WDPCP: variants seen among roughly 807,000 people sequenced by gnomAD.
WDPCP encodes the protein WD repeat-containing and planar cell polarity effector protein fritz homolog.
A neutral mutation model predicts 93.1 loss-of-function variants in WDPCP; 71 were observed. The ratio of observed to expected loss-of-function variants is 0.76; its 90% CI spans 0.63 to 0.93. The LOEUF (loss-of-function observed/expected upper bound fraction) is 0.93. Ranked by LOEUF, WDPCP falls within the 40% of genes least tolerant of loss-of-function variation. The pLI is 0.00. For synonymous variants in WDPCP, 315 were observed against 315.0 expected (o/e 1.00, Z 0.00); for missense variants, 844 against 887.4 (o/e 0.95, Z 0.62).
chr2:63,731,918 C>A (rs887255543), intron 2 of WDPCP, among the ~76,000 whole-genome samples: 2 of 152,138 alleles, frequency 1.3e-5, no homozygotes, highest in Admixed American at 1.3e-4. Flanking sequence ...AAGTCTAGTT[C>A]TTGAGCCAAT....
chr2:63,244,415 A>G (rs534898045), intron 14 of WDPCP, among the ~76,000 whole-genome samples: 1 of 152,316 alleles, frequency 6.6e-6, no homozygotes, highest in African/African-American at 2.4e-5. Context: ...CAAAAGATCA[A>G]TGAAACCAAA....
intron 14 of WDPCP, among the ~76,000 whole-genome samples, chr2:63,186,266 C>T (rs147473624): frequency 1.3e-5 from 2 of 152,250 alleles, no homozygotes; most frequent in Non-Finnish European, 2.9e-5. Context: ...TCCTCCCTCT[C>T]TGGTTCCACA....
At chr2:63,798,547 C>A (rs1189695772) in intron 2 of WDPCP, among the ~76,000 whole-genome samples, 1 of 151,744 alleles carries the variant, frequency 6.6e-6, no homozygotes, top group Non-Finnish European at 1.5e-5. Flanking sequence ...CTCATGGTAA[C>A]CTCAAGCCAA....
At chr2:63,301,306 T>C (rs1436923683) in intron 13 of WDPCP, among the ~76,000 whole-genome samples, 1 of 152,184 alleles carries the variant, frequency 6.6e-6, no homozygotes, top group Admixed American at 6.5e-5. Context: ...AAAATGGCCA[T>C]TCAGTCTCTA....
intron 2 of WDPCP, among the ~76,000 whole-genome samples, chr2:63,701,185 T>C (rs1219807714): frequency 1.3e-5 from 2 of 151,992 alleles, no homozygotes; most frequent in Non-Finnish European, 2.9e-5. Flanking sequence ...AATTTAAAAA[T>C]GGGCAAAAGA....
rs185527120 is a variant in WDPCP, at chr2:63,579,487, G to A, written c.75+8710C>T. Among the ~76,000 whole-genome samples the A allele has an allele frequency of 2.0e-4, 30 of 152,234 alleles. 1 individual carries two copies. The East Asian group carries it at 5.2e-3, about 26-fold the overall frequency. On this transcript the variant is annotated intron_variant, in intron 1 of 17. Coordinates refer to ENST00000272321, the MANE Select transcript of WDPCP (RefSeq NM_015910.7). ...TAGCTGGGTGTGGTGGCACACACCT[G>A]TAGTCCCAGCTACTCAGGAGGCTGA...
At chr2:63,776,074 T>TATACATACATACATAC (rs59262674) in intron 2 of WDPCP, among the ~76,000 whole-genome samples, 6 of 146,804 alleles carry the variant, frequency 4.1e-5, no homozygotes, top group Non-Finnish European at 7.5e-5. Flanking sequence ...TAAATACACA[T>TATACATACATACATAC]ATACATACAT....
intron 1 of WDPCP, among the ~76,000 whole-genome samples, chr2:63,498,169 C>A (rs1432001367): frequency 6.6e-6 from 1 of 152,156 alleles, no homozygotes; most frequent in Non-Finnish European, 1.5e-5. Context: ...CAAAAAATCA[C>A]CCATAATGTA....
intron 1 of WDPCP, among the ~76,000 whole-genome samples, chr2:63,529,106 G>T (rs1703601588): frequency 6.6e-6 from 1 of 152,200 alleles, no homozygotes; most frequent in Non-Finnish European, 1.5e-5. Flanking sequence ...AGCTTAAGGA[G>T]ATTTTGGGCT....
intron 10 of WDPCP, among the ~76,000 whole-genome samples, chr2:63,397,589 G>C (rs1166573099): frequency 6.6e-6 from 1 of 152,170 alleles, no homozygotes; most frequent in African/African-American, 2.4e-5. Flanking sequence ...CAGAAGAAGA[G>C]CATAAAAATG....
At chr2:63,676,331 C>T (rs1273336927) in intron 2 of WDPCP, among the ~76,000 whole-genome samples, 1 of 152,152 alleles carries the variant, frequency 6.6e-6, no homozygotes, top group Non-Finnish European at 1.5e-5. Context: ...TGGCAAGATT[C>T]TTGAGCTAGG....
chr2:63,794,381 G>C (rs565967216), intron 2 of WDPCP, among the ~76,000 whole-genome samples: 2 of 152,326 alleles, frequency 1.3e-5, no homozygotes, highest in Admixed American at 1.3e-4. Flanking sequence ...CTTAAACCAA[G>C]TAGCACATGG....
chr2:63,388,733 C>A (rs950691219), intron 10 of WDPCP, among the ~76,000 whole-genome samples: 7 of 151,974 alleles, frequency 4.6e-5, no homozygotes, highest in African/African-American at 1.5e-4. Context: ...AACCATGGCA[C>A]GAGAACTTTG....
chr2:63,226,341 C>T (rs1259552776), intron 14 of WDPCP, among the ~76,000 whole-genome samples: 2 of 151,682 alleles, frequency 1.3e-5, no homozygotes, highest in Admixed American at 1.3e-4. Context: ...AAAGATTTTC[C>T]TAAGCATTTG....
intron 2 of WDPCP, among the ~76,000 whole-genome samples, chr2:63,706,777 C>T (rs1265707692): frequency 7.9e-5 from 12 of 151,070 alleles, no homozygotes; most frequent in South Asian, 2.1e-4. Context: ...CCACCGCGCC[C>T]GGCTAATTTT....
intron 6 of WDPCP, among the ~76,000 whole-genome samples, chr2:63,450,986 C>T (rs1698205616): frequency 6.6e-6 from 1 of 152,022 alleles, no homozygotes; most frequent in African/African-American, 2.4e-5. Context: ...AATCCCCCAA[C>T]ATCGGATTCC....
chr2:63,480,375 G>GA (rs1376419112), intron 6 of WDPCP, among the ~76,000 whole-genome samples: 7 of 152,046 alleles, frequency 4.6e-5, no homozygotes, highest in Non-Finnish European at 7.4e-5. Context: ...CACAGAACTA[G>GA]AAAAAACAAT....
At position 63,595,563 on chromosome 2, in the gene WDPCP, T is replaced by C. The variant is rs140205662; in HGVS notation, n.488+55096A>G. ...AAGGGATTTTATGGTATTTGATTTC[T>C]TACAAAATACAGGTTTTAGGTTTTT... On this transcript the variant is annotated intron_variant and non_coding_transcript_variant, in intron 3 of 4. Transcript: ENST00000467687. The C allele has an allele frequency of 5.4e-5, 66 of 1,229,288 alleles. No individual in the cohort carries two copies. In the East Asian group the frequency reaches 1.5e-3, roughly 27 times the overall value. The allele number at this position is 1,229,288 out of a possible 1,614,324, so 76.1% of individuals were successfully genotyped here. A position where few individuals can be genotyped will look rare whatever the true frequency, so the allele number is the denominator to read the frequency against.
At chr2:63,225,400 T>TG (rs1678203874) in intron 14 of WDPCP, among the ~76,000 whole-genome samples, 1 of 151,830 alleles carries the variant, frequency 6.6e-6, no homozygotes, top group South Asian at 2.1e-4. Flanking sequence ...AGGATGGGGA[T>TG]GTAAGAGAAT....
Sources: allele counts gnomAD v4.1 joint callset (sites outside exome capture counted in the v4.1 genomes callset), GRCh38; gene constraint gnomAD v4.1.1; transcripts MANE v1.5; gene names NCBI Gene and HGNC (gene_info 2026-07-23, HGNC 2026-07-21).